The following CLASP1 variants were observed in gnomAD, a reference collection of about 807,000 sequenced individuals.
The protein encoded by CLASP1 is CLIP-associating protein 1.
A neutral mutation model predicts 192.3 loss-of-function variants in CLASP1; 38 were observed. The ratio of observed to expected loss-of-function variants is 0.20; its 90% CI spans 0.15 to 0.26. The LOEUF (loss-of-function observed/expected upper bound fraction) is 0.26. Ranked by LOEUF, CLASP1 falls within the 10% of genes least tolerant of loss-of-function variation. CLASP1 has a pLI of 1.00. For synonymous variants in CLASP1, 691 were observed against 712.8 expected (o/e 0.97, Z 0.49); for missense variants, 1,433 against 1,932.5 (o/e 0.74, Z 4.85).
intron 19 of CLASP1, among the ~76,000 whole-genome samples, chr2:121,439,251 A>C (rs1407297261): frequency 6.6e-6 from 1 of 151,432 alleles, no homozygotes. Context: ...CAGTCTATCA[A>C]TTTTGTTGAT....
Position 121,457,450 on chromosome 2 carries a change from CACAG to C in CLASP1, c.1385+233_1385+236del, listed in dbSNP as rs2086915285. Among the ~76,000 whole-genome samples, 6 of 149,458 alleles carry C rather than the reference CACAG, an allele frequency of 4.0e-5. No individual in the cohort carries two copies. In the South Asian group the frequency reaches 1.3e-3, roughly 32 times the overall value. Reference sequence around the variant, plus strand: ...TAACACCCAAACTCACTTTCTCTCACACAGACATACACACACACACACACACACA... The same window carrying C: ...TAACACCCAAACTCACTTTCTCTCACACATACACACACACACACACACACA... On this transcript the variant is annotated intron_variant, in intron 14 of 39. Transcript: ENST00000263710.
intron 2 of CLASP1, among the ~76,000 whole-genome samples, chr2:121,566,017 A>G (rs1337532500): frequency 2.0e-5 from 3 of 152,236 alleles, no homozygotes; most frequent in African/African-American, 7.2e-5. Context: ...AGCAGGAGCT[A>G]GCACTGGGCT....
intron 34 of CLASP1, among the ~76,000 whole-genome samples, chr2:121,371,511 T>C (rs1021585901): frequency 1.3e-5 from 2 of 152,024 alleles, no homozygotes; most frequent in African/African-American, 2.4e-5. Context: ...AGTGCTGGGA[T>C]TGCAGGCGTG....
chr2:121,551,069 G>A (rs760153887), intron 2 of CLASP1, among the ~76,000 whole-genome samples: 4 of 152,266 alleles, frequency 2.6e-5, no homozygotes, highest in South Asian at 2.1e-4. Flanking sequence ...TTCAACATAC[G>A]CAAATCAATA....
intron 1 of CLASP1, among the ~76,000 whole-genome samples, chr2:121,623,084 A>T (rs2067661930): frequency 6.6e-6 from 1 of 151,978 alleles, no homozygotes; most frequent in Admixed American, 6.6e-5. Flanking sequence ...ATATATATAA[A>T]TTTTAAAAAA....
Position 121,530,951 on chromosome 2 carries a change from A to C in CLASP1, c.196-626T>G, listed in dbSNP as rs531079609. On this transcript the variant is annotated intron_variant, in intron 2 of 39. Transcript: ENST00000263710. ...TGAGGGCAGTACTGCTAACGCCTGAACAACACACCCGCATCAACTAGAGCT... is the reference window on the plus strand; with the variant it reads ...TGAGGGCAGTACTGCTAACGCCTGACCAACACACCCGCATCAACTAGAGCT... 16 of 700,302 alleles carry C rather than the reference A, an allele frequency of 2.3e-5. No individual in the cohort carries two copies. The highest frequency in any genetic ancestry group is 5.4e-5 in the East Asian group (2 of 37,308). 43.4% of individuals were successfully genotyped at this position (700,302 alleles called of 1,614,324 possible). A position where few individuals can be genotyped will look rare whatever the true frequency, so the allele number is the denominator to read the frequency against.
At chr2:121,376,666 G>C (rs1232276698) in intron 34 of CLASP1, among the ~76,000 whole-genome samples, 2 of 152,174 alleles carry the variant, frequency 1.3e-5, no homozygotes, top group Non-Finnish European at 2.9e-5. Flanking sequence ...GGCCTGTTAG[G>C]AACTAGGCAG....
At chr2:121,340,682 C>T in exon 40 of CLASP1, 1 of 588,314 alleles carries the variant, frequency 1.7e-6, no homozygotes, top group Non-Finnish European at 3.0e-6. Context: ...GCCTTGCTTC[C>T]TTTACATTCA....
intron 25 of CLASP1, among the ~76,000 whole-genome samples, chr2:121,406,203 T>C (rs1225569393): frequency 2.6e-5 from 4 of 152,204 alleles, no homozygotes; most frequent in Non-Finnish European, 5.9e-5. Flanking sequence ...GCCTTAGATT[T>C]GACAAAATAT....
intron 9 of CLASP1, 57 bp downstream of exon 9, chr2:121,469,751 C>T (rs1334393196): frequency 1.2e-5 from 18 of 1,540,282 alleles, no homozygotes; most frequent in Non-Finnish European, 1.6e-5. Context: ...ACGTGCACCT[C>T]TGGTTTGAAA....
chr2:121,580,045 G>GA (rs2060956373), intron 2 of CLASP1, among the ~76,000 whole-genome samples: 1 of 152,076 alleles, frequency 6.6e-6, no homozygotes, highest in African/African-American at 2.4e-5. Flanking sequence ...AAATTTAAGG[G>GA]AAAAAAGTGG....
chr2:121,528,617 C>T (rs1575681218), intron 4 of CLASP1, 60 bp downstream of exon 4: 6 of 1,277,280 alleles, frequency 4.7e-6, no homozygotes, highest in Non-Finnish European at 6.9e-6. Context: ...CACACACACC[C>T]TCGCACGTGC....
At chr2:121,611,187 G>A (rs1293383376) in intron 1 of CLASP1, among the ~76,000 whole-genome samples, 1 of 139,912 alleles carries the variant, frequency 7.1e-6, no homozygotes. Context: ...AGGAGGAAGA[G>A]GAACTGGAGG....
intron 1 of CLASP1, among the ~76,000 whole-genome samples, chr2:121,626,076 G>A (rs1213405010): frequency 6.7e-6 from 1 of 149,580 alleles, no homozygotes; most frequent in Non-Finnish European, 1.5e-5. Flanking sequence ...TTCCAGCCTG[G>A]AGGCAGAGCG....
intron 16 of CLASP1, among the ~76,000 whole-genome samples, chr2:121,450,449 A>T (rs1024421486): frequency 3.3e-5 from 5 of 152,218 alleles, no homozygotes; most frequent in African/African-American, 9.6e-5. Flanking sequence ...ACAACAAGTT[A>T]TCACTGTGAT....
chr2:121,633,015 T>TAG (rs2070066308), intron 1 of CLASP1, among the ~76,000 whole-genome samples: 2 of 147,190 alleles, frequency 1.4e-5, no homozygotes, highest in African/African-American at 2.6e-5. Context: ...TGCATATATA[T>TAG]ATATATATAT....
intron 2 of CLASP1, among the ~76,000 whole-genome samples, chr2:121,580,950 A>T (rs2061059966): frequency 6.6e-6 from 1 of 152,208 alleles, no homozygotes; most frequent in Non-Finnish European, 1.5e-5. Context: ...TACATTCTTT[A>T]AAAACCACTT....
At chr2:121,358,400 T>C (rs569093194) in intron 37 of CLASP1, among the ~76,000 whole-genome samples, 10 of 152,180 alleles carry the variant, frequency 6.6e-5, no homozygotes, top group Non-Finnish European at 1.3e-4. Context: ...CCAGAGTTCA[T>C]GCAGTATATT....
chr2:121,646,686 T>C (rs1411032519), intron 1 of CLASP1, among the ~76,000 whole-genome samples: 2 of 152,166 alleles, frequency 1.3e-5, no homozygotes, highest in African/African-American at 2.4e-5. Context: ...GCCATCTCAT[T>C]CAACTTATAA....
Sources: gnomAD v4.1 joint callset for allele counts (sites outside exome capture counted in the v4.1 genomes callset) on GRCh38, gnomAD v4.1.1 for gene constraint, MANE v1.5 for transcripts, NCBI Gene and HGNC (gene_info 2026-07-23, HGNC 2026-07-21) for gene names.